RABGAP1L: variants seen among roughly 807,000 people sequenced by gnomAD.
RABGAP1L encodes RAB GTPase activating protein 1 like.
A neutral mutation model predicts 137.7 loss-of-function variants in RABGAP1L; 63 were observed. The observed-to-expected ratio is 0.46, with a 90% confidence interval of 0.37 to 0.56. The LOEUF (loss-of-function observed/expected upper bound fraction) is 0.56, where lower values mean the gene tolerates loss of function less well. Ranked by LOEUF, RABGAP1L falls within the 20% of genes least tolerant of loss-of-function variation. The pLI is 0.00. For missense variants in RABGAP1L, 1,095 were observed against 1,244.0 expected, an observed-to-expected ratio of 0.88 and a Z score of 1.80; for synonymous variants, 431 against 433.7, an observed-to-expected ratio of 0.99 and a Z score of 0.08.
chr1:174,660,633 TTC>T (rs1676308941), intron 14 of RABGAP1L, among the ~76,000 whole-genome samples: 1 of 152,218 alleles, frequency 6.6e-6, no homozygotes, highest in African/African-American at 2.4e-5. Flanking sequence ...CATATGACTA[TTC>T]TCTCTATCAT....
chr1:174,167,812 GT>G (rs1412565682), intron 1 of RABGAP1L, among the ~76,000 whole-genome samples: 1 of 152,000 alleles, frequency 6.6e-6, no homozygotes, highest in Non-Finnish European at 1.5e-5. Context: ...CATATCACTA[GT>G]TTTTTTTATA....
chr1:174,260,442 A>G (rs1673489613), intron 7 of RABGAP1L, among the ~76,000 whole-genome samples: 1 of 152,206 alleles, frequency 6.6e-6, no homozygotes, highest in Non-Finnish European at 1.5e-5. Context: ...AGAAAAGCCA[A>G]TTTGTAGAAG....
chr1:174,224,253 A>C (rs1669993399), intron 3 of RABGAP1L, among the ~76,000 whole-genome samples: 1 of 152,102 alleles, frequency 6.6e-6, no homozygotes, highest in Non-Finnish European at 1.5e-5. Context: ...AGGTGGGTGG[A>C]TTACTTGAGG....
intron 11 of RABGAP1L, among the ~76,000 whole-genome samples, chr1:174,343,583 A>T (rs1682172819): frequency 6.6e-6 from 1 of 152,292 alleles, no homozygotes; most frequent in East Asian, 1.9e-4. Context: ...TAGGTAGCCT[A>T]TATGCTGTAA....
At position 174,989,896 on chromosome 1, in the gene RABGAP1L, G is replaced by GA; in HGVS notation, c.3056dup (p.Asn1019LysfsTer5). 1.9e-6 allele frequency: 3 copies of GA among 1,550,502 alleles called. No individual in the cohort carries two copies. The highest frequency in any genetic ancestry group is 2.6e-6 in the Non-Finnish European group (3 of 1,146,908). On this transcript the variant is annotated frameshift_variant, in exon 26 of 26. Transcript: ENST00000681986. LOFTEE classifies it high-confidence loss of function. The stretch of plus-strand genomic sequence containing the variant: ...CCCTTATGAATGAAATCCAAGCTGC[G>GA]AAAAACTCTTGGTTTAGCAAAACCC...
rs77464183 is a variant in RABGAP1L, at chr1:174,401,626, C to T, written c.1710+7481C>T. 6.6e-3 allele frequency among the ~76,000 whole-genome samples: 999 copies of T among 152,128 alleles called. 8 individuals carry two copies. Among genetic ancestry groups the T allele is most frequent in the African/African-American group, 0.023 (955 of 41,500 alleles). On this transcript the variant is annotated intron_variant, in intron 13 of 25. Transcript: ENST00000681986. ...GTAGCACCCTGTTATCTACTTGTAC[C>T]GCTAATTCATTCATTATTTATCAAA...
chr1:174,578,330 G>A (rs1572384932), intron 13 of RABGAP1L, among the ~76,000 whole-genome samples: 1 of 152,130 alleles, frequency 6.6e-6, no homozygotes, highest in African/African-American at 2.4e-5. Flanking sequence ...GACAACAGGT[G>A]CACAGTACTA....
chr1:174,283,654 C>T (rs1675783456), intron 10 of RABGAP1L, among the ~76,000 whole-genome samples: 1 of 151,970 alleles, frequency 6.6e-6, no homozygotes, highest in African/African-American at 2.4e-5. Flanking sequence ...CTACAGGTAC[C>T]CACCACCACG....
At chr1:174,699,944 T>TTTTAC (rs1679521328) in intron 16 of RABGAP1L, among the ~76,000 whole-genome samples, 1 of 152,136 alleles carries the variant, frequency 6.6e-6, no homozygotes, top group Admixed American at 6.6e-5. Flanking sequence ...TGTAGAGGAA[T>TTTTAC]GGAGATATTT....
intron 17 of RABGAP1L, among the ~76,000 whole-genome samples, chr1:174,741,855 CA>C (rs775821774): frequency 0.3 from 12,644 of 42,024 alleles, 492 homozygotes; most frequent in East Asian, 0.37. Flanking sequence ...CCTATTTCTA[CA>C]AAAAAAAAAA....
intron 1 of RABGAP1L, among the ~76,000 whole-genome samples, chr1:174,196,858 G>T (rs1667728895): frequency 6.6e-6 from 1 of 151,856 alleles, no homozygotes; most frequent in Non-Finnish European, 1.5e-5. Context: ...TATTTTTTTG[G>T]ACATCAACTT....
chr1:174,292,317 C>A (rs943523565), intron 10 of RABGAP1L, among the ~76,000 whole-genome samples: 8 of 139,746 alleles, frequency 5.7e-5, no homozygotes, highest in African/African-American at 1.9e-4. Context: ...TGGGCCATTG[C>A]ACCTACCTAA....
intron 10 of RABGAP1L, among the ~76,000 whole-genome samples, chr1:174,283,371 C>T (rs1302351827): frequency 6.6e-6 from 1 of 151,984 alleles, no homozygotes; most frequent in Non-Finnish European, 1.5e-5. Flanking sequence ...ATGCCACTTG[C>T]ACTCCAGCCT....
intron 18 of RABGAP1L, among the ~76,000 whole-genome samples, chr1:174,770,348 A>G (rs1653626): frequency 0.4 from 61,284 of 152,074 alleles, 15,162 homozygotes; most frequent in Non-Finnish European, 0.54. Flanking sequence ...TAAAGTTTTA[A>G]AGTTTCAGAA....
At chr1:174,385,337 A>G (rs1571552452) in intron 12 of RABGAP1L, among the ~76,000 whole-genome samples, 2 of 152,218 alleles carry the variant, frequency 1.3e-5, no homozygotes, top group East Asian at 3.8e-4. Flanking sequence ...CTTGCTGTTT[A>G]CTCAAATATA....
intron 5 of RABGAP1L, among the ~76,000 whole-genome samples, chr1:174,246,955 C>G (rs770071598): frequency 8.5e-5 from 13 of 152,162 alleles, no homozygotes; most frequent in Non-Finnish European, 1.8e-4. Flanking sequence ...GTATTAAATG[C>G]AATTTGATTG....
chr1:174,714,781 C>T (rs928533693), intron 17 of RABGAP1L, among the ~76,000 whole-genome samples: 1 of 152,140 alleles, frequency 6.6e-6, no homozygotes, highest in South Asian at 2.1e-4. Flanking sequence ...ATCAGATTTT[C>T]TCCCCTCTTT....
chr1:174,215,102 T>C (rs1416584724), intron 1 of RABGAP1L, among the ~76,000 whole-genome samples: 2 of 152,166 alleles, frequency 1.3e-5, no homozygotes, highest in Non-Finnish European at 2.9e-5. Flanking sequence ...GACAAGGGAT[T>C]AATAACCAGA....
chr1:174,805,929 A>ATGT (rs1319292074), intron 18 of RABGAP1L, among the ~76,000 whole-genome samples: 1 of 152,174 alleles, frequency 6.6e-6, no homozygotes, highest in Non-Finnish European at 1.5e-5. Context: ...TACTTAACTA[A>ATGT]TGTTGGGAAA....
Sources: gnomAD v4.1 joint callset for allele counts (sites outside exome capture counted in the v4.1 genomes callset) on GRCh38, gnomAD v4.1.1 for gene constraint, MANE v1.5 for transcripts, NCBI Gene and HGNC (gene_info 2026-07-23, HGNC 2026-07-21) for gene names.